ZSCAN25: variants seen among roughly 807,000 people sequenced by gnomAD.
The protein encoded by ZSCAN25 is zinc finger and SCAN domain containing 25.
Under a neutral mutation model 38.7 loss-of-function variants are expected in ZSCAN25, and 27 were observed. The ratio of observed to expected loss-of-function variants is 0.70; its 90% CI spans 0.51 to 0.96. The LOEUF is 0.96. Ranked by LOEUF, ZSCAN25 falls within the 40% of genes least tolerant of loss-of-function variation. The pLI, the probability that ZSCAN25 is intolerant of heterozygous loss-of-function variation, is 0.00. For missense variants in ZSCAN25, 637 were observed against 705.9 expected, an observed-to-expected ratio of 0.90 and a Z score of 1.11; for synonymous variants, 273 against 277.7, an observed-to-expected ratio of 0.98 and a Z score of 0.17.
chr7:99,685,201 T>G, the ZSCAN25 span: 2 of 1,613,648 alleles, frequency 1.2e-6, no homozygotes, highest in East Asian at 2.2e-5. Context: ...TTTTTCTGGT[T>G]GAAGAAGTCC....
At chr7:99,724,059 C>T in the ZSCAN25 span, among the ~76,000 whole-genome samples, 1 of 152,018 alleles carries the variant, frequency 6.6e-6, no homozygotes, top group South Asian at 2.1e-4. Flanking sequence ...CCCTGGGTGG[C>T]AAGCACCACC....
chr7:99,664,846 G>A, the ZSCAN25 span, among the ~76,000 whole-genome samples: 1 of 152,046 alleles, frequency 6.6e-6, no homozygotes, highest in Non-Finnish European at 1.5e-5. Flanking sequence ...ATGAAATAGA[G>A]AATAAAAAAC....
the ZSCAN25 span, among the ~76,000 whole-genome samples, chr7:99,654,918 G>A: frequency 6.6e-6 from 1 of 152,288 alleles, no homozygotes; most frequent in African/African-American, 2.4e-5. Context: ...CCCACTTGTT[G>A]ATGGGGTTGT....
At chr7:99,640,806 C>T in the ZSCAN25 span, among the ~76,000 whole-genome samples, 1 of 152,184 alleles carries the variant, frequency 6.6e-6, no homozygotes, top group Admixed American at 6.5e-5. Context: ...TTCTTTGTCA[C>T]TGAGAATTTA....
At chr7:99,725,602 G>A in the ZSCAN25 span, among the ~76,000 whole-genome samples, 39 of 152,330 alleles carry the variant, frequency 2.6e-4, no homozygotes, top group East Asian at 6.4e-3. Context: ...CTCCTAAGCC[G>A]TGCCCTGTCT....
At chr7:99,679,591 C>G in the ZSCAN25 span, among the ~76,000 whole-genome samples, 1 of 152,150 alleles carries the variant, frequency 6.6e-6, no homozygotes, top group Non-Finnish European at 1.5e-5. Flanking sequence ...CTACCAAATG[C>G]TGTCCCTAAA....
In ZSCAN25 at chr7:99,622,621, T is replaced by G. The variant is rs1386033210; in HGVS notation, c.662T>G (p.Phe221Cys). ...AGAGACCAAGAGATGGCAGCTGGGT[T>G]CTTTACTGCTGGATCGCAGGTGAGC... ...NPRDQEMAAG[F>C]FTAGSQGLGP... Residue 221 changes from phenylalanine (F) to cysteine (C), a missense_variant, in exon 6 of 8, where the codon TTC becomes TGC. By Grantham distance (205) the Phe-to-Cys change is radical (BLOSUM62 -2). Coordinates refer to ENST00000394152, the MANE Select transcript of ZSCAN25 (RefSeq NM_145115.3). 2 of 1,614,174 alleles carry G rather than the reference T, an allele frequency of 1.2e-6. No individual in the cohort carries two copies. Among genetic ancestry groups the G allele is most frequent in the Non-Finnish European group, 1.7e-6 (2 of 1,180,018 alleles).
the ZSCAN25 span, chr7:99,663,899 C>G: frequency 6.6e-7 from 1 of 1,512,618 alleles, no homozygotes; most frequent in Non-Finnish European, 8.8e-7. Flanking sequence ...GATACATGCT[C>G]TATCATGTGT....
chr7:99,639,721 G>C, the ZSCAN25 span, among the ~76,000 whole-genome samples: 2 of 152,152 alleles, frequency 1.3e-5, no homozygotes, highest in Non-Finnish European at 2.9e-5. Context: ...GGCATAGTGG[G>C]GGAAAGCCAG....
At chr7:99,678,986 A>G in the ZSCAN25 span, among the ~76,000 whole-genome samples, 20 of 152,220 alleles carry the variant, frequency 1.3e-4, no homozygotes, top group Non-Finnish European at 2.2e-4. Context: ...AAGGGGAAAA[A>G]TATGTAAAAT....
chr7:99,662,688 TA>T, the ZSCAN25 span: 1 of 868,384 alleles, frequency 1.2e-6, no homozygotes, highest in Non-Finnish European at 1.8e-6. This position sits in a 1 kb window ranked among gnomAD's most constrained non-coding sequence, Gnocchi z 4.3. Flanking sequence ...TTATAACATC[TA>T]AATGTGTGTT....
intron 6 of ZSCAN25, among the ~76,000 whole-genome samples, chr7:99,623,562 G>A (rs895415172): frequency 1.3e-5 from 2 of 152,338 alleles, no homozygotes; most frequent in Non-Finnish European, 1.5e-5. Flanking sequence ...TGCTCAAGCC[G>A]TATTTGGGCA....
At chr7:99,649,973 T>C in the ZSCAN25 span, 3 of 1,430,966 alleles carry the variant, frequency 2.1e-6, no homozygotes, top group East Asian at 2.5e-5. Context: ...CTTTGGCCCA[T>C]AGAATGAATT....
At chr7:99,676,595 A>G in the ZSCAN25 span, 1 of 1,339,990 alleles carries the variant, frequency 7.5e-7, no homozygotes. Flanking sequence ...AAAGAGTAAG[A>G]TTTTTTTTGT....
intron 7 of ZSCAN25, among the ~76,000 whole-genome samples, chr7:99,625,712 G>A (rs1435735546): frequency 1.1e-4 from 17 of 152,130 alleles, no homozygotes. Flanking sequence ...GCTGTGTGGG[G>A]TGAGGAGCCC....
chr7:99,710,926 A>G, the ZSCAN25 span: 1 of 1,613,200 alleles, frequency 6.2e-7, no homozygotes, highest in South Asian at 1.1e-5. Context: ...TAGGTAAATC[A>G]GGTCAATGTA....
the ZSCAN25 span, chr7:99,699,926 C>A: frequency 7.1e-7 from 1 of 1,416,068 alleles, no homozygotes; most frequent in South Asian, 1.1e-5. Flanking sequence ...ACCCCAAGTC[C>A]AAGTTAACAG....
At chr7:99,634,208 G>A (rs1047202812), downstream of ZSCAN25, among the ~76,000 whole-genome samples, 28 of 152,236 alleles carry the variant, frequency 1.8e-4, no homozygotes, top group African/African-American at 6.3e-4. Flanking sequence ...ACTGCCTAAG[G>A]TCTGTCCTGG....
At chr7:99,621,831 A>G (rs1297365366) in intron 5 of ZSCAN25, 2 of 339,804 alleles carry the variant, frequency 5.9e-6, no homozygotes, top group East Asian at 4.5e-5. Flanking sequence ...GATCCCTTCT[A>G]GAAACTACCA....
Sources: gnomAD v4.1 joint callset for allele counts (sites outside exome capture counted in the v4.1 genomes callset) on GRCh38, gnomAD v4.1.1 for gene constraint, Gnocchi (gnomAD v3.1) non-coding constraint, MANE v1.5 for transcripts, NCBI Gene and HGNC (gene_info 2026-07-23, HGNC 2026-07-21) for gene names.